The following STK24 variants were observed in gnomAD, a reference collection of about 807,000 sequenced individuals.
STK24 encodes the protein serine/threonine-protein kinase 24.
A neutral mutation model predicts 55.6 loss-of-function variants in STK24; 21 were observed. The ratio of observed to expected loss-of-function variants is 0.38; its 90% confidence interval spans 0.27 to 0.54. STK24 has a LOEUF of 0.54. STK24 is among the 20% of genes least tolerant of loss of function. The pLI is 0.79. For synonymous variants in STK24, 200 were observed against 215.2 expected, an observed-to-expected ratio of 0.93 and a Z score of 0.62; for missense variants, 383 against 538.4, an observed-to-expected ratio of 0.71 and a Z score of 2.86.
At chr13:98,543,213 C>A (rs1459151961) in intron 1 of STK24, among the ~76,000 whole-genome samples, 1 of 152,178 alleles carries the variant, frequency 6.6e-6, no homozygotes, top group Non-Finnish European at 1.5e-5. Context: ...GAACTAAACA[C>A]TTGAAGGGCA....
At chr13:98,535,437 G>A (rs1460375018) in intron 1 of STK24, among the ~76,000 whole-genome samples, 1 of 113,812 alleles carries the variant, frequency 8.8e-6, no homozygotes, top group South Asian at 3.0e-4. Flanking sequence ...ACACACACAC[G>A]CAATGCATTC....
At chr13:98,569,479 G>C (rs1247966197) in intron 1 of STK24, among the ~76,000 whole-genome samples, 3 of 151,534 alleles carry the variant, frequency 2.0e-5, no homozygotes, top group African/African-American at 7.3e-5. Flanking sequence ...AAGGAACCCA[G>C]AGGATGAGAG....
intron 5 of STK24, among the ~76,000 whole-genome samples, chr13:98,474,450 C>T (rs1894285558): frequency 6.6e-6 from 1 of 152,152 alleles, no homozygotes; most frequent in African/African-American, 2.4e-5. Flanking sequence ...CACTTCGACC[C>T]CCAGCTGTGC....
Position 98,522,284 on chromosome 13 carries a change from G to C in STK24, c.43-2811C>G, listed in dbSNP as rs536103558. On this transcript the variant is annotated intron_variant, in intron 1 of 10. Transcript: ENST00000539966. ...GGCCCTTACTCTAGGTCCCAGCCTG[G>C]GCCTCTACTCCTTCTCCCCAGGGGT... is the stretch of plus-strand genomic sequence containing the variant. Among the ~76,000 whole-genome samples the C allele has an allele frequency of 5.0e-4, 76 of 152,248 alleles. 1 individual carries two copies. The highest frequency in any genetic ancestry group is 3.2e-3 in the Admixed American group (49 of 15,300).
intron 1 of STK24, among the ~76,000 whole-genome samples, chr13:98,554,686 G>A (rs950009363): frequency 2.0e-5 from 3 of 152,116 alleles, no homozygotes; most frequent in Admixed American, 1.3e-4. Flanking sequence ...TAAAAACCTG[G>A]CATTTTTAGA....
chr13:98,539,462 T>G (rs1372621579), intron 1 of STK24, among the ~76,000 whole-genome samples: 1 of 111,180 alleles, frequency 9.0e-6, no homozygotes, highest in African/African-American at 3.2e-5. Context: ...TGCTAGATTT[T>G]AAAACATCAC....
At chr13:98,480,105 C>T (rs771760717) in intron 3 of STK24, among the ~76,000 whole-genome samples, 25 of 152,174 alleles carry the variant, frequency 1.6e-4, no homozygotes, top group Non-Finnish European at 3.2e-4. Flanking sequence ...TCCCTTGTCA[C>T]CAGCACTCCT....
intron 1 of STK24, among the ~76,000 whole-genome samples, chr13:98,524,799 G>C (rs1896375631): frequency 2.0e-5 from 3 of 152,190 alleles, no homozygotes; most frequent in Non-Finnish European, 4.4e-5. Flanking sequence ...CCTTTTGCCT[G>C]GACCAAGACG....
intron 1 of STK24, among the ~76,000 whole-genome samples, chr13:98,543,647 T>C (rs1009059742): frequency 1.3e-5 from 2 of 152,160 alleles, no homozygotes; most frequent in Non-Finnish European, 2.9e-5. Flanking sequence ...GACCCCGCAC[T>C]GGGGCCCGGA....
intron 2 of STK24, among the ~76,000 whole-genome samples, chr13:98,507,725 C>T (rs1895743094): frequency 6.6e-6 from 1 of 152,192 alleles, no homozygotes; most frequent in Non-Finnish European, 1.5e-5. Flanking sequence ...CATTCCCAGC[C>T]AGGACGGGAT....
intron 1 of STK24, among the ~76,000 whole-genome samples, chr13:98,557,347 T>C (rs1287472883): frequency 6.6e-6 from 1 of 152,246 alleles, no homozygotes; most frequent in Non-Finnish European, 1.5e-5. Flanking sequence ...GAATTCCTTA[T>C]CTACATAGGA....
At chr13:98,477,003 G>A (rs1297997870) in intron 3 of STK24, among the ~76,000 whole-genome samples, 1 of 152,170 alleles carries the variant, frequency 6.6e-6, no homozygotes, top group Non-Finnish European at 1.5e-5. Context: ...CATCTCCATC[G>A]CCTGCCAGAA....
At position 98,576,267 on chromosome 13, in the gene STK24, C is replaced by A. The variant is rs376695207; in HGVS notation, c.42+478G>T. On this transcript the variant is annotated intron_variant, in intron 1 of 10. Transcript: ENST00000539966. Reference sequence around the variant, plus strand: ...GGACGAGTCCAGGCGCGCTCCCCGTCCCCGCCCTGCCCAGGTCTCCCGCCC... The same window carrying A: ...GGACGAGTCCAGGCGCGCTCCCCGTACCCGCCCTGCCCAGGTCTCCCGCCC... 4.7e-5 allele frequency: 45 copies of A among 966,742 alleles called. No individual in the cohort carries two copies. In the East Asian group the frequency reaches 1.8e-3, roughly 40 times the overall value. 59.9% of individuals were successfully genotyped at this position (966,742 alleles called of 1,614,324 possible).
chr13:98,525,327 AG>A (rs758609682), intron 1 of STK24, among the ~76,000 whole-genome samples: 11 of 152,202 alleles, frequency 7.2e-5, no homozygotes, highest in Non-Finnish European at 1.6e-4. Context: ...TCAACCCCAC[AG>A]CCCGTGCCTG....
intron 5 of STK24, among the ~76,000 whole-genome samples, chr13:98,469,534 T>TCC (rs1555302507): frequency 0.038 from 4,783 of 125,880 alleles, 133 homozygotes; most frequent in Middle Eastern, 0.11. Flanking sequence ...AGACCCTGCA[T>TCC]CCCCCCCCCC....
chr13:98,524,354 T>C (rs373626671), intron 1 of STK24, among the ~76,000 whole-genome samples: 16 of 152,072 alleles, frequency 1.1e-4, no homozygotes, highest in African/African-American at 3.6e-4. Flanking sequence ...GACCCCGCAG[T>C]GTTCGCTCTG....
chr13:98,536,968 C>T (rs996551329), intron 1 of STK24, among the ~76,000 whole-genome samples: 1 of 152,034 alleles, frequency 6.6e-6, no homozygotes, highest in Non-Finnish European at 1.5e-5. Flanking sequence ...CGACACTGGC[C>T]GGAGCCCGCC....
chr13:98,523,074 T>C (rs1004451903), intron 1 of STK24, among the ~76,000 whole-genome samples: 9 of 152,158 alleles, frequency 5.9e-5, no homozygotes, highest in Non-Finnish European at 1.5e-5. Context: ...AATTTCTGAT[T>C]CAGTCAACCG....
At chr13:98,504,623 C>T (rs911287752) in intron 2 of STK24, among the ~76,000 whole-genome samples, 1 of 152,098 alleles carries the variant, frequency 6.6e-6, no homozygotes, top group Non-Finnish European at 1.5e-5. Context: ...GAGGGGCAGA[C>T]ACAAAGCTGT....
Sources: gnomAD v4.1 joint callset for allele counts (sites outside exome capture counted in the v4.1 genomes callset) on GRCh38, gnomAD v4.1.1 for gene constraint, MANE v1.5 for transcripts, NCBI Gene and HGNC (gene_info 2026-07-23, HGNC 2026-07-21) for gene names.